Variants in PCDHA12 observed in about 807,000 individuals in gnomAD.
PCDHA12 encodes protocadherin alpha 12, also known as protocadherin alpha-12.
A neutral mutation model predicts 60.0 loss-of-function variants in PCDHA12; 44 were observed. The observed-to-expected ratio is 0.73, with a 90% CI of 0.58 to 0.94. The LOEUF (loss-of-function observed/expected upper bound fraction) is 0.94, where lower values mean the gene tolerates loss of function less well. PCDHA12 is among the 40% of genes least tolerant of loss of function. The probability of loss-of-function intolerance (pLI) is 0.00; values close to 1 mark genes in which losing one functional copy is unlikely to be tolerated. For synonymous variants in PCDHA12, 569 were observed against 553.0 expected (o/e 1.03, Z -0.40); for missense variants, 1,276 against 1,239.7 (o/e 1.03, Z -0.44).
intron 1 of PCDHA12, among the ~76,000 whole-genome samples, chr5:140,965,278 C>T (rs1554227554): frequency 6.6e-6 from 1 of 152,176 alleles, no homozygotes; most frequent in African/African-American, 2.4e-5. Flanking sequence ...AATGACACAG[C>T]ATGGAAAGAT....
chr5:140,877,324 G>C lies in PCDHA12; in HGVS notation c.1852G>C (p.Ala618Pro), dbSNP rs782336745. 1.9e-6 allele frequency: 3 copies of C among 1,613,990 alleles called. No individual in the cohort carries two copies. The highest frequency in any genetic ancestry group is 2.5e-6 in the Non-Finnish European group (3 of 1,179,882). ...SYELQPAAVG[A>P]HIPFHVGLYT... ...CGAGTTGCAACCGGCGGCGGTCGGC[G>C]CGCACATCCCGTTCCACGTGGGGCT... The change falls in exon 1 of 4, where the codon GCG (alanine) becomes CCG (proline). Residue 618 changes from alanine to proline, a missense_variant. By Grantham distance (27) the Ala-to-Pro change is conservative. Transcript: ENST00000398631.
intron 1 of PCDHA12, chr5:140,883,274 C>T (rs1554177451): frequency 1.9e-6 from 3 of 1,613,998 alleles, no homozygotes; most frequent in South Asian, 2.2e-5. Flanking sequence ...TCATTGTACC[C>T]TTTTGGTGGA....
At chr5:140,904,187 C>T (rs1554191348) in intron 1 of PCDHA12, among the ~76,000 whole-genome samples, 1 of 151,982 alleles carries the variant, frequency 6.6e-6, no homozygotes, top group Non-Finnish European at 1.5e-5. Context: ...ACCCCCTTCC[C>T]ACCCTTTCCC....
chr5:140,969,205 C>G (rs1046509500), intron 1 of PCDHA12: 6 of 1,614,130 alleles, frequency 3.7e-6, no homozygotes, highest in East Asian at 2.2e-5. Context: ...ATACAGGGGC[C>G]CAGACAGGAC....
chr5:140,964,167 C>G (rs370784169), intron 1 of PCDHA12, among the ~76,000 whole-genome samples: 1 of 152,134 alleles, frequency 6.6e-6, no homozygotes, highest in Non-Finnish European at 1.5e-5. Flanking sequence ...GTGTGAGGAA[C>G]GAAATCATTA....
At chr5:140,937,933 A>T (rs1452935525) in intron 1 of PCDHA12, among the ~76,000 whole-genome samples, 1 of 151,854 alleles carries the variant, frequency 6.6e-6, no homozygotes, top group Non-Finnish European at 1.5e-5. Flanking sequence ...AAAAAGTTTA[A>T]TTTGATAATT....
At chr5:140,883,871 G>A (rs1554180366) in intron 1 of PCDHA12, 2 of 1,613,242 alleles carry the variant, frequency 1.2e-6, no homozygotes, top group African/African-American at 2.7e-5. Context: ...GCAGTTCCAG[G>A]TGAGCGCGCG....
rs372058384 is a variant in PCDHA12, at chr5:140,875,718, C to T, written c.246C>T (p.Gly82=). ...TTCTGGAGGTAAATCTGCAGAATGGCATTTTGTTTGTGAATTCTCGGATCG... is the reference window on the plus strand; with the variant it reads ...TTCTGGAGGTAAATCTGCAGAATGGTATTTTGTTTGTGAATTCTCGGATCG... ...GDLLEVNLQN[G]ILFVNSRIDR... The change falls in exon 1 of 4, where the codon GGC becomes GGT. Residue 82 remains glycine, a synonymous_variant. Coordinates refer to ENST00000398631, the MANE Select transcript of PCDHA12 (RefSeq NM_018903.4). 2.4e-5 allele frequency: 38 copies of T among 1,614,182 alleles called. 1 individual carries two copies. The highest frequency in any genetic ancestry group is 2.7e-5 in the Non-Finnish European group (32 of 1,180,048).
chr5:140,943,831 A>T (rs1051741610), intron 1 of PCDHA12, among the ~76,000 whole-genome samples: 2 of 152,214 alleles, frequency 1.3e-5, no homozygotes, highest in African/African-American at 4.8e-5. Flanking sequence ...GAGTTGATTG[A>T]AGTTGTAAGA....
intron 1 of PCDHA12, among the ~76,000 whole-genome samples, chr5:140,971,478 A>C (rs111781444): frequency 3.5e-4 from 53 of 152,260 alleles, no homozygotes; most frequent in African/African-American, 1.3e-3. Flanking sequence ...AGAGAGTGTC[A>C]CATTGTTACA....
At chr5:140,933,184 G>T (rs1459868769) in intron 1 of PCDHA12, among the ~76,000 whole-genome samples, 4 of 149,618 alleles carry the variant, frequency 2.7e-5, no homozygotes, top group African/African-American at 4.9e-5. Flanking sequence ...ATAAGATAAT[G>T]GTTCAGGATA....
intron 3 of PCDHA12, among the ~76,000 whole-genome samples, chr5:140,999,748 G>A (rs1563643254): frequency 1.3e-5 from 2 of 152,188 alleles, no homozygotes; most frequent in South Asian, 2.1e-4. Flanking sequence ...ATCTGGGTTC[G>A]CAGCACATGA....
chr5:141,004,094 G>A (rs962663466), intron 3 of PCDHA12, among the ~76,000 whole-genome samples: 1 of 152,194 alleles, frequency 6.6e-6, no homozygotes, highest in Non-Finnish European at 1.5e-5. Context: ...TGCTTCTTCC[G>A]TTTTCATCTT....
chr5:140,927,213 G>C (rs1384969721), intron 1 of PCDHA12: 11 of 1,614,000 alleles, frequency 6.8e-6, no homozygotes, highest in Non-Finnish European at 9.3e-6. Flanking sequence ...CGCTGGAGCT[G>C]CACAAGATTC....
chr5:140,906,377 A>G (rs1322510294), intron 1 of PCDHA12, among the ~76,000 whole-genome samples: 3 of 152,264 alleles, frequency 2.0e-5, no homozygotes, highest in Admixed American at 6.5e-5. Flanking sequence ...ATGCTATTAC[A>G]TAAAGTTAAC....
intron 1 of PCDHA12, among the ~76,000 whole-genome samples, chr5:140,911,440 A>C (rs151200639): frequency 6.6e-5 from 10 of 152,168 alleles, no homozygotes; most frequent in African/African-American, 1.7e-4. Context: ...ATTTCCCGCA[A>C]TTTCAGCTCT....
At chr5:141,006,606 C>T (rs782461917) in intron 3 of PCDHA12, among the ~76,000 whole-genome samples, 3 of 152,112 alleles carry the variant, frequency 2.0e-5, no homozygotes, top group Non-Finnish European at 4.4e-5. Flanking sequence ...TGGAAGCAGA[C>T]TGAATAAGGA....
chr5:141,003,684 A>C (rs1425078507), intron 3 of PCDHA12, among the ~76,000 whole-genome samples: 1 of 152,240 alleles, frequency 6.6e-6, no homozygotes, highest in Non-Finnish European at 1.5e-5. Flanking sequence ...TTCTGATTTT[A>C]AAATATATCC....
At chr5:140,899,032 A>G (rs1377878756) in intron 1 of PCDHA12, among the ~76,000 whole-genome samples, 2 of 151,890 alleles carry the variant, frequency 1.3e-5, no homozygotes, top group African/African-American at 4.8e-5. Context: ...ATTTTTGTAC[A>G]TTGATTTTGT....
Sources: gnomAD v4.1 joint callset for allele counts (sites outside exome capture counted in the v4.1 genomes callset) on GRCh38, gnomAD v4.1.1 for gene constraint, MANE v1.5 for transcripts, NCBI Gene and HGNC (gene_info 2026-07-23, HGNC 2026-07-21) for gene names.